The following CIB1 variants were observed in gnomAD, a reference collection of about 807,000 sequenced individuals.
The protein encoded by CIB1 is calcium and integrin binding 1.
In CIB1, 19 loss-of-function variants were observed where a neutral mutation model predicts 25.0. That is an observed-to-expected ratio of 0.76 (90% CI 0.53 to 1.12). The LOEUF is 1.12. Ranked by LOEUF, CIB1 falls within the 50% of genes most tolerant of loss-of-function variation. The pLI is 0.00. For missense variants in CIB1, 236 were observed against 242.6 expected (o/e 0.97, Z 0.18); for synonymous variants, 104 against 98.5 (o/e 1.06, Z -0.33).
At chr15:90,265,247 G>C in the CIB1 span, 1 of 1,295,150 alleles carries the variant, frequency 7.7e-7, no homozygotes, top group Non-Finnish European at 9.8e-7. Flanking sequence ...GCTAGGTGAT[G>C]GGTCTGAACC....
the CIB1 span, chr15:90,265,256 C>A: frequency 5.5e-6 from 7 of 1,279,138 alleles, no homozygotes; most frequent in Non-Finnish European, 6.9e-6. Flanking sequence ...TGGGTCTGAA[C>A]CCTAGGTGCG....
upstream of CIB1, chr15:90,234,168 AGGGG>A: frequency 4.3e-6 from 1 of 231,100 alleles, no homozygotes; most frequent in East Asian, 6.7e-5. Context: ...CCGGGGTGGG[AGGGG>A]GGGGCGGGCC....
chr15:90,259,533 C>T, the CIB1 span, among the ~76,000 whole-genome samples: 12 of 152,236 alleles, frequency 7.9e-5, no homozygotes, highest in African/African-American at 1.7e-4. Flanking sequence ...GTATATAGTA[C>T]GCATTTAATA....
the CIB1 span, chr15:90,255,714 C>T: frequency 6.2e-7 from 1 of 1,613,694 alleles, no homozygotes; most frequent in South Asian, 1.1e-5. Context: ...CTAGGAAATG[C>T]CACTTACTCT....
In CIB1 at chr15:90,231,224, G is replaced by T; in HGVS notation, c.347-11C>A. Reference sequence around the variant, plus strand: ...CGTCATCATCAAAGTCTAGAGAGCAGACACAGGAAGCCAAAAGACACGGTT... The same window carrying T: ...CGTCATCATCAAAGTCTAGAGAGCATACACAGGAAGCCAAAAGACACGGTT... On this transcript the variant is annotated splice_polypyrimidine_tract_variant and intron_variant, in intron 4 of 6. Transcript: ENST00000328649. The T allele has an allele frequency of 6.3e-7, 1 of 1,590,522 alleles. No homozygotes were observed. The highest frequency in any genetic ancestry group is 1.3e-5 in the African/African-American group (1 of 74,394).
the CIB1 span, chr15:90,257,394 G>C: frequency 7.0e-7 from 1 of 1,427,866 alleles, no homozygotes; most frequent in Non-Finnish European, 9.4e-7. Flanking sequence ...AATGAAGCCA[G>C]CAAGAGCTGC....
the CIB1 span, chr15:90,240,940 C>T: frequency 6.2e-7 from 1 of 1,613,894 alleles, no homozygotes. Flanking sequence ...AACGAAACTT[C>T]CTATTTGCTG....
chr15:90,241,117 G>A, the CIB1 span: 72 of 1,614,022 alleles, frequency 4.5e-5, no homozygotes, highest in Admixed American at 2.2e-4. Context: ...TGGAAGCAGC[G>A]GGTGGAGCTG....
the CIB1 span, chr15:90,262,276 C>G: frequency 2.2e-6 from 3 of 1,341,182 alleles, no homozygotes; most frequent in South Asian, 3.1e-5. Context: ...AAAGAGGAAG[C>G]CAGACACCAG....
chr15:90,265,590 C>A, the CIB1 span: 39 of 1,412,514 alleles, frequency 2.8e-5, no homozygotes, highest in East Asian at 1.7e-4. Flanking sequence ...TTACCCCCAC[C>A]AAGTGAAGCG....
chr15:90,243,640 G>GTTTTTTTT, the CIB1 span: 1 of 99,408 alleles, frequency 1.0e-5, no homozygotes, highest in African/African-American at 3.8e-5. Context: ...CTTGGTGCAG[G>GTTTTTTTT]TTTTTTTTTT....
upstream of CIB1, among the ~76,000 whole-genome samples, chr15:90,237,831 G>T (rs1962668315): frequency 6.6e-6 from 1 of 152,012 alleles, no homozygotes; most frequent in African/African-American, 2.4e-5. Context: ...AAGTGCCTGT[G>T]GTCCCAGCTA....
chr15:90,260,142 A>G, the CIB1 span, among the ~76,000 whole-genome samples: 3 of 152,204 alleles, frequency 2.0e-5, no homozygotes, highest in Admixed American at 2.0e-4. Flanking sequence ...AAAATGGTTG[A>G]ACAGTACTGG....
At chr15:90,254,247 C>A in the CIB1 span, among the ~76,000 whole-genome samples, 1 of 148,348 alleles carries the variant, frequency 6.7e-6, no homozygotes, top group Non-Finnish European at 1.5e-5. Flanking sequence ...GTAATCCCAA[C>A]TCTTTGGGAG....
chr15:90,258,103 ACATCGAGGACAT>A, the CIB1 span: 11 of 1,613,992 alleles, frequency 6.8e-6, no homozygotes, highest in Admixed American at 1.0e-4. Context: ...CTGTGGGGGG[ACATCGAGGACAT>A]CATCATCAAA....
upstream of CIB1, among the ~76,000 whole-genome samples, chr15:90,235,804 G>A (rs1314130645): frequency 6.6e-6 from 1 of 151,922 alleles, no homozygotes; most frequent in East Asian, 2.0e-4. Context: ...TCCTGACCTC[G>A]TGATTCGCCC....
chr15:90,263,960 A>G, the CIB1 span: 7 of 1,535,746 alleles, frequency 4.6e-6, no homozygotes, highest in East Asian at 1.5e-4. Context: ...AAGAACTTCA[A>G]CTGGACAGGA....
chr15:90,239,049 G>A, the CIB1 span, among the ~76,000 whole-genome samples: 1 of 152,186 alleles, frequency 6.6e-6, no homozygotes, highest in Non-Finnish European at 1.5e-5. Flanking sequence ...ATGAGTGTGT[G>A]AGTGTATAGG....
At chr15:90,260,207 T>C in the CIB1 span, among the ~76,000 whole-genome samples, 9 of 152,236 alleles carry the variant, frequency 5.9e-5, no homozygotes, top group East Asian at 1.7e-3. Flanking sequence ...CATTTAAAAA[T>C]ATTGTTGTGG....
Sources: gnomAD v4.1 joint callset for allele counts (sites outside exome capture counted in the v4.1 genomes callset) on GRCh38, gnomAD v4.1.1 for gene constraint, MANE v1.5 for transcripts, NCBI Gene and HGNC (gene_info 2026-07-23, HGNC 2026-07-21) for gene names.